LRRC8B: variants seen among roughly 807,000 people sequenced by gnomAD.
LRRC8B encodes the protein volume-regulated anion channel subunit LRRC8B.
Under a neutral mutation model 58.8 loss-of-function variants are expected in LRRC8B, and 23 were observed. The ratio of observed to expected loss-of-function variants is 0.39; its 90% CI spans 0.28 to 0.55. LRRC8B has a LOEUF of 0.55. Among genes scored for constraint, LRRC8B ranks in the 20% least tolerant of loss-of-function variants. LRRC8B has a pLI of 0.62. For synonymous variants in LRRC8B, 359 were observed against 374.1 expected (o/e 0.96, Z 0.47); for missense variants, 694 against 936.0 (o/e 0.74, Z 3.37).
chr1:89,550,864 A>G (rs1361407217), intron 1 of LRRC8B, among the ~76,000 whole-genome samples: 1 of 151,522 alleles, frequency 6.6e-6, no homozygotes, highest in African/African-American at 2.4e-5. Flanking sequence ...CCTTACCTTC[A>G]TTTCCCCCGG....
chr1:89,543,451 T>G lies in LRRC8B; in HGVS notation c.-241+18429T>G, dbSNP rs925598361. Among the ~76,000 whole-genome samples, 4 of 152,238 alleles carry G rather than the reference T, an allele frequency of 2.6e-5. No homozygotes were observed. The East Asian group carries it at 7.7e-4, about 29-fold the overall frequency. On this transcript the variant is annotated intron_variant, in intron 1 of 5. Coordinates refer to ENST00000330947, the MANE Select transcript of LRRC8B (RefSeq NM_001369817.2). ...GTTTTCTTATTATAAAACAATCTAT[T>G]ATACAAGAAAAAATTTATTCTAATA...
At chr1:89,585,821 A>G (rs1654585696) in intron 5 of LRRC8B, among the ~76,000 whole-genome samples, 1 of 151,132 alleles carries the variant, frequency 6.6e-6, no homozygotes, top group Non-Finnish European at 1.5e-5. Flanking sequence ...AAAAAAAAAG[A>G]AAGAAAGAAA....
At chr1:89,567,110 G>C (rs1653103414) in intron 1 of LRRC8B, among the ~76,000 whole-genome samples, 1 of 152,204 alleles carries the variant, frequency 6.6e-6, no homozygotes, top group Non-Finnish European at 1.5e-5. Context: ...TGCCTCAGCA[G>C]CTGGGTCGGT....
chr1:89,569,982 T>C (rs990364167), intron 3 of LRRC8B, among the ~76,000 whole-genome samples: 4 of 152,212 alleles, frequency 2.6e-5, no homozygotes, highest in Non-Finnish European at 5.9e-5. Context: ...TTTGGTTTTC[T>C]GTTCCTGCAT....
intron 5 of LRRC8B, 149 bp from the exon 6 acceptor site, chr1:89,592,622 A>G (rs767839578): frequency 2.7e-5 from 19 of 696,054 alleles, no homozygotes; most frequent in Non-Finnish European, 2.8e-5. Flanking sequence ...CTATCTTTTC[A>G]TCTACTTCAA....
intron 1 of LRRC8B, among the ~76,000 whole-genome samples, chr1:89,566,436 G>A (rs1241885680): frequency 2.0e-5 from 3 of 152,156 alleles, no homozygotes; most frequent in African/African-American, 7.2e-5. Context: ...ACATAGTAAA[G>A]CCTTAAACTT....
chr1:89,529,678 C>T (rs537449547), intron 1 of LRRC8B, among the ~76,000 whole-genome samples: 162 of 152,188 alleles, frequency 1.1e-3, no homozygotes, highest in African/African-American at 3.8e-3. Context: ...AAAATTATCT[C>T]TAAAATCAGT....
chr1:89,534,700 A>G (rs973611289), intron 1 of LRRC8B, among the ~76,000 whole-genome samples: 1 of 152,234 alleles, frequency 6.6e-6, no homozygotes, highest in African/African-American at 2.4e-5. Context: ...GAAGTGCTTA[A>G]GAAATCTTGC....
chr1:89,542,294 G>T (rs935843027), intron 1 of LRRC8B, among the ~76,000 whole-genome samples: 2 of 152,154 alleles, frequency 1.3e-5, no homozygotes, highest in African/African-American at 4.8e-5. Context: ...AGTCTTCAAG[G>T]TGGTTCCTCT....
chr1:89,583,380 T>C lies in LRRC8B; in HGVS notation c.730T>C (p.Phe244Leu). The C allele has an allele frequency of 6.2e-7, 1 of 1,614,186 alleles. No homozygotes were observed. Among genetic ancestry groups the C allele is most frequent in the Non-Finnish European group, 8.5e-7 (1 of 1,180,034 alleles). Reference protein sequence around the residue: ...AKAIFEKVKRFRMHVEQKDII... With the variant: ...AKAIFEKVKRLRMHVEQKDII... ...AGCCATCTTTGAAAAAGTGAAAAGA[T>C]TCCGCATGCATGTGGAGCAGAAGGA... Residue 244 changes from phenylalanine to leucine, a missense_variant, in exon 5 of 6, where the codon TTC (phenylalanine) becomes CTC (leucine). By Grantham distance (22) the Phe-to-Leu change is conservative (BLOSUM62 0). Coordinates refer to ENST00000330947, the MANE Select transcript of LRRC8B (RefSeq NM_001369817.2). This position sits in a 1 kb window ranked among gnomAD's most constrained non-coding sequence, Gnocchi z 5.2.
intron 1 of LRRC8B, among the ~76,000 whole-genome samples, chr1:89,536,546 A>G (rs1650552777): frequency 6.6e-6 from 1 of 152,230 alleles, no homozygotes; most frequent in African/African-American, 2.4e-5. Context: ...TTACAGGCAC[A>G]GGGAATAAAT....
At chr1:89,531,536 C>T (rs761359468) in intron 1 of LRRC8B, among the ~76,000 whole-genome samples, 89 of 152,148 alleles carry the variant, frequency 5.8e-4, no homozygotes, top group Admixed American at 9.2e-4. Flanking sequence ...CAAAGGTGGT[C>T]TTGTTATCTA....
At chr1:89,530,603 T>A (rs1293907622) in intron 1 of LRRC8B, among the ~76,000 whole-genome samples, 6 of 152,100 alleles carry the variant, frequency 3.9e-5, no homozygotes, top group Non-Finnish European at 8.8e-5. Context: ...CAAATGGAAT[T>A]TGAAACCATA....
intron 1 of LRRC8B, among the ~76,000 whole-genome samples, chr1:89,563,224 C>T (rs1045543426): frequency 2.0e-5 from 3 of 151,200 alleles, no homozygotes; most frequent in African/African-American, 7.3e-5. Context: ...GTAATTTTTC[C>T]TTTTTTAAGT....
chr1:89,588,470 C>T (rs143142929), intron 5 of LRRC8B, among the ~76,000 whole-genome samples: 267 of 151,934 alleles, frequency 1.8e-3, no homozygotes, highest in Non-Finnish European at 3.2e-3. Flanking sequence ...ATTAGGGAAG[C>T]GTTAAAAAAT....
chr1:89,558,183 A>C (rs918077136), intron 1 of LRRC8B, among the ~76,000 whole-genome samples: 3 of 152,136 alleles, frequency 2.0e-5, no homozygotes, highest in Non-Finnish European at 4.4e-5. Flanking sequence ...TCCTGTTGTC[A>C]TGTTTGCACT....
intron 1 of LRRC8B, among the ~76,000 whole-genome samples, chr1:89,543,892 ATCC>A (rs1214671519): frequency 1.3e-5 from 2 of 151,854 alleles, no homozygotes; most frequent in Non-Finnish European, 2.9e-5. Flanking sequence ...GGCTCAGGCT[ATCC>A]TCCTGCCTCA....
At chr1:89,576,277 A>G (rs749635704) in intron 3 of LRRC8B, among the ~76,000 whole-genome samples, 1 of 152,160 alleles carries the variant, frequency 6.6e-6, no homozygotes, top group South Asian at 2.1e-4. Context: ...TAGAGGGGAG[A>G]GAGCATCCTA....
intron 1 of LRRC8B, among the ~76,000 whole-genome samples, chr1:89,532,354 G>A (rs566733254): frequency 3.3e-4 from 50 of 152,274 alleles, no homozygotes; most frequent in South Asian, 2.1e-3. Flanking sequence ...TGCCAAAACC[G>A]CTGCATGTGA....
Sources: allele counts gnomAD v4.1 joint callset (sites outside exome capture counted in the v4.1 genomes callset), GRCh38; gene constraint gnomAD v4.1.1; non-coding constraint Gnocchi (gnomAD v3.1); transcripts MANE v1.5; gene names NCBI Gene and HGNC (gene_info 2026-07-23, HGNC 2026-07-21).